Variants in RALGDS observed in about 807,000 individuals in gnomAD.
The protein encoded by RALGDS is ral guanine nucleotide exchange factor.
Under a neutral mutation model 99.8 loss-of-function variants are expected in RALGDS, and 44 were observed. The observed-to-expected ratio is 0.44, with a 90% CI of 0.35 to 0.57. The LOEUF (loss-of-function observed/expected upper bound fraction) is 0.57. RALGDS is among the 20% of genes least tolerant of loss of function. RALGDS has a pLI of 0.01. For synonymous variants in RALGDS, 529 were observed against 505.0 expected (o/e 1.05, Z -0.64); for missense variants, 1,022 against 1,203.1 (o/e 0.85, Z 2.23).
rs1213083276 is a variant in RALGDS at position 133,110,434 on chromosome 9, T to C, written c.350A>G (p.Lys117Arg). The C allele has an allele frequency of 6.2e-7, 1 of 1,613,418 alleles. No individual in the cohort carries two copies. Among genetic ancestry groups the C allele is most frequent in the East Asian group, 2.2e-5 (1 of 44,902 alleles). ...CACCAGCTTCTCCAGCGTGCCAGCC[T>C]TCACGGTCCGCACCTTGCAAGTCTC... ...LYETCKVRTVKAGTLEKLVEH... is the reference protein window; with the variant it reads ...LYETCKVRTVRAGTLEKLVEH... The change falls in exon 3 of 18, where the codon AAG becomes AGG. Residue 117 changes from lysine (K) to arginine (R), a missense_variant. By Grantham distance (26) the Lys-to-Arg change is conservative. This residue lies in a region of RALGDS where 17 missense variants were observed against 39.3 expected (regional missense o/e 0.43). Transcript: ENST00000372050.
chr9:133,124,852 C>T (rs1832096725), upstream of RALGDS, among the ~76,000 whole-genome samples: 1 of 152,242 alleles, frequency 6.6e-6, no homozygotes, highest in African/African-American at 2.4e-5. Context: ...AGGAACGCAG[C>T]ACCACTCACA....
intron 1 of RALGDS, chr9:133,129,154 T>A (rs762853613): frequency 6.3e-7 from 1 of 1,578,092 alleles, no homozygotes; most frequent in Non-Finnish European, 8.6e-7. Context: ...TGGTGGCCGG[T>A]GCTGGCAGAG....
chr9:133,102,780 T>A lies in RALGDS; in HGVS notation c.1912A>T (p.Ser638Cys). The change falls in exon 13 of 18, where the codon AGC becomes TGC. Residue 638 changes from serine (S) to cysteine (C), a missense_variant and splice_region_variant. Physicochemically the swap from Ser to Cys is moderately radical, Grantham distance 112 (BLOSUM62 -1). This residue lies in a region of RALGDS where 825 missense variants were observed against 994.5 expected (regional missense o/e 0.83). Coordinates refer to ENST00000372050, the MANE Select transcript of RALGDS (RefSeq NM_006266.4). ...CCCCATTTGCTGCCCCGGCCTCACC[T>A]CTCAGTCTCGCTGAGCCGCTCCACG... is the stretch of plus-strand genomic sequence containing the variant. ...RAVERLSETESYNLSCELEPP... is the reference protein window; with the variant it reads ...RAVERLSETECYNLSCELEPP... 1 of 1,611,910 alleles carries A rather than the reference T, an allele frequency of 6.2e-7. No homozygotes were observed. The highest frequency in any genetic ancestry group is 8.5e-7 in the Non-Finnish European group (1 of 1,179,772).
intron 1 of RALGDS, among the ~76,000 whole-genome samples, chr9:133,115,738 G>A (rs1330538495): frequency 2.0e-5 from 3 of 152,212 alleles, no homozygotes; most frequent in African/African-American, 7.2e-5. Context: ...TGGGGCCGGC[G>A]ACGGATGCTG....
At chr9:133,102,413 C>G in intron 14 of RALGDS, 63 bp downstream of exon 14, 1 of 1,543,870 alleles carries the variant, frequency 6.5e-7, no homozygotes, top group Non-Finnish European at 8.9e-7. Flanking sequence ...TGAGCCCAGG[C>G]TCAGCCCTGA....
Position 133,100,261 on chromosome 9 carries a change from G to C in RALGDS, c.2569+7C>G. On this transcript the variant is annotated splice_region_variant and intron_variant, in intron 17 of 17. Coordinates refer to ENST00000372050, the MANE Select transcript of RALGDS (RefSeq NM_006266.4). The stretch of plus-strand genomic sequence containing the variant: ...CTCTGCCATCGCCCTCTGGTCTTCT[G>C]ACTTACTCCGGTCATCTGAGAGAAT... 6.2e-7 allele frequency: 1 copy of C among 1,613,508 alleles called. No homozygotes were observed. The highest frequency in any genetic ancestry group is 1.1e-5 in the South Asian group (1 of 91,058).
intron 1 of RALGDS, among the ~76,000 whole-genome samples, chr9:133,137,941 A>T (rs1190105677): frequency 6.6e-6 from 1 of 152,212 alleles, no homozygotes; most frequent in Non-Finnish European, 1.5e-5. Flanking sequence ...CCCTGTGTCC[A>T]GCAGGCCCTG....
intron 1 of RALGDS, among the ~76,000 whole-genome samples, chr9:133,119,111 A>G (rs561828317): frequency 6.6e-6 from 1 of 152,316 alleles, no homozygotes; most frequent in Non-Finnish European, 1.5e-5. Context: ...AGATGTGAGG[A>G]GATCTGGCAG....
intron 1 of RALGDS, chr9:133,129,387 G>A (rs527290689): frequency 4.4e-5 from 64 of 1,467,672 alleles, no homozygotes; most frequent in South Asian, 6.8e-5. Context: ...CGTCGCCTGC[G>A]TGCCCTAGTG....
intron 1 of RALGDS, chr9:133,129,356 G>A (rs1385549636): frequency 6.5e-7 from 1 of 1,529,196 alleles, no homozygotes; most frequent in East Asian, 2.4e-5. Flanking sequence ...GGCCCTGCGG[G>A]AGGCCCTCTG....
At chr9:133,105,328 C>A (rs1180637858) in intron 9 of RALGDS, among the ~76,000 whole-genome samples, 3 of 152,188 alleles carry the variant, frequency 2.0e-5, no homozygotes. Flanking sequence ...CCTCAGTCAT[C>A]TGGGGTATCC....
chr9:133,109,786 G>T (rs1178737467), intron 3 of RALGDS, 65 bp from the exon 4 acceptor site: 2 of 1,394,732 alleles, frequency 1.4e-6, no homozygotes, highest in Non-Finnish European at 2.0e-6. Context: ...GGAGGGCAGG[G>T]ATTTTTTTTT....
Position 133,101,545 on chromosome 9 carries a change from T to C in RALGDS, c.2429A>G (p.Asn810Ser). 1 of 1,612,348 alleles carries C rather than the reference T, an allele frequency of 6.2e-7. No homozygotes were observed. Among genetic ancestry groups the C allele is most frequent in the East Asian group, 2.2e-5 (1 of 44,884 alleles). The stretch of plus-strand genomic sequence containing the variant: ...CAGGATGCTCTTGTACATGTTGCCA[T>C]TGTCCACGTCCAGGCTGACGCGGAT... Reference protein sequence around the residue: ...CIIRVSLDVDNGNMYKSILVT... With the variant: ...CIIRVSLDVDSGNMYKSILVT... The change falls in exon 16 of 18, where the codon AAT becomes AGT. Residue 810 changes from asparagine to serine, a missense_variant. Physicochemically the swap from Asn to Ser is conservative, Grantham distance 46. Coordinates refer to ENST00000372050, the MANE Select transcript of RALGDS (RefSeq NM_006266.4).
intron 1 of RALGDS, chr9:133,129,190 G>A: frequency 6.3e-7 from 1 of 1,597,344 alleles, no homozygotes; most frequent in Non-Finnish European, 8.5e-7. Context: ...TCGGGCTTTG[G>A]AGAGCGGCAC....
In RALGDS at chr9:133,144,721, T is replaced by G. The variant is rs1832596131; in HGVS notation, c.18+4242A>C. Among the ~76,000 whole-genome samples, 1 of 152,234 alleles carries G rather than the reference T, an allele frequency of 6.6e-6. No individual in the cohort carries two copies. The highest frequency in any genetic ancestry group is 2.4e-5 in the African/African-American group (1 of 41,470). Reference sequence around the variant, plus strand: ...GTCTTCCGACTCCCCGCTGCTCCCCTAGTCCCCGTAGGCACGCGGGTACCC... The same window carrying G: ...GTCTTCCGACTCCCCGCTGCTCCCCGAGTCCCCGTAGGCACGCGGGTACCC... On this transcript the variant is annotated intron_variant, in intron 1 of 17. Transcript: ENST00000393160. This position sits in a 1 kb window ranked among gnomAD's most constrained non-coding sequence, Gnocchi z 4.5.
rs146738313 is a variant in RALGDS, at chr9:133,137,091, C to T, written c.18+11872G>A. Among the ~76,000 whole-genome samples, 221 of 151,946 alleles carry T rather than the reference C, an allele frequency of 1.5e-3. 1 individual carries two copies. In the East Asian group the frequency reaches 0.015, roughly 10 times the overall value. ...CTCTACTAAAAATACAAAAAATAGA[C>T]GGGTGTGGTGGTGCACCTGTAGTCC... On this transcript the variant is annotated intron_variant, in intron 1 of 17. Coordinates refer to the RALGDS transcript ENST00000393160.
Position 133,102,802 on chromosome 9 carries a change from C to A in RALGDS, c.1890G>T (p.Val630=), listed in dbSNP as rs1445077844. Residue 630 remains valine, a synonymous_variant, in exon 13 of 18, where the codon GTG becomes GTT. Coordinates refer to ENST00000372050, the MANE Select transcript of RALGDS (RefSeq NM_006266.4). The part of the protein sequence containing the change: ...DEQFGAWFRA[V]ERLSETESYN... ...ACCTCTCAGTCTCGCTGAGCCGCTC[C>A]ACGGCCCGGAACCAGGCCCCAAATT... 6.2e-7 allele frequency: 1 copy of A among 1,612,972 alleles called. No individual in the cohort carries two copies. Among genetic ancestry groups the A allele is most frequent in the African/African-American group, 1.3e-5 (1 of 74,946 alleles).
intron 6 of RALGDS, among the ~76,000 whole-genome samples, 165 bp from the exon 7 acceptor site, chr9:133,107,465 G>A (rs976526938): frequency 6.6e-6 from 1 of 152,226 alleles, no homozygotes; most frequent in Admixed American, 6.5e-5. Flanking sequence ...CTGGTGGGAA[G>A]AAGAGGAGCA....
intron 2 of RALGDS, among the ~76,000 whole-genome samples, chr9:133,110,803 C>T (rs756376966): frequency 6.6e-6 from 1 of 152,192 alleles, no homozygotes; most frequent in Non-Finnish European, 1.5e-5. Flanking sequence ...TAGCCAGGGC[C>T]AGGCATAGTA....
Sources: allele counts gnomAD v4.1 joint callset (sites outside exome capture counted in the v4.1 genomes callset), GRCh38; gene constraint gnomAD v4.1.1; regional missense constraint gnomAD v4.1.1; non-coding constraint Gnocchi (gnomAD v3.1); transcripts MANE v1.5; gene names NCBI Gene and HGNC (gene_info 2026-07-23, HGNC 2026-07-21).